The following ERICH1 variants were observed in gnomAD, a reference collection of about 807,000 sequenced individuals.
ERICH1 encodes the protein glutamate-rich protein 1.
ERICH1 carries 56 observed loss-of-function variants against 39.6 expected under a neutral mutation model. That is an observed-to-expected ratio of 1.41 (90% CI 1.14 to 1.77). The LOEUF is 1.77. Among genes scored for constraint, ERICH1 ranks in the 40% most tolerant of loss-of-function variants. The pLI, the probability that ERICH1 is intolerant of heterozygous loss-of-function variation, is 0.00. For synonymous variants in ERICH1, 313 were observed against 223.6 expected (o/e 1.40, Z -3.57); for missense variants, 826 against 575.4 (o/e 1.44, Z -4.45).
chr8:622,787 T>C (rs1318248818), intron 3 of ERICH1, among the ~76,000 whole-genome samples: 4 of 151,912 alleles, frequency 2.6e-5, no homozygotes, highest in Non-Finnish European at 5.9e-5. Flanking sequence ...ACCGTGTCTC[T>C]ATAAAAAAAT....
intron 2 of ERICH1, among the ~76,000 whole-genome samples, chr8:710,217 T>A (rs897960288): frequency 6.6e-6 from 1 of 152,182 alleles, no homozygotes. Context: ...GCGCCCACCA[T>A]GACAGCATCG....
chr8:716,017 C>T lies in ERICH1; in HGVS notation c.23-10G>A, dbSNP rs764030347. On this transcript the variant is annotated splice_polypyrimidine_tract_variant and intron_variant, in intron 1 of 5. Transcript: ENST00000262109. ...ACCTTCTCCACAAACACTGTACAGA[C>T]AACCGATTAAAAGAAAAGGAGGAAA... is the stretch of plus-strand genomic sequence containing the variant. 1.9e-6 allele frequency: 3 copies of T among 1,581,848 alleles called. No homozygotes were observed. Among genetic ancestry groups the T allele is most frequent in the South Asian group, 2.3e-5 (2 of 85,734 alleles).
In ERICH1 at chr8:679,761, CT is replaced by C. The variant is rs1258959890; in HGVS notation, c.305-5715del. Among the ~76,000 whole-genome samples the C allele has an allele frequency of 5.0e-4, 76 of 152,354 alleles. No individual in the cohort carries two copies. The South Asian group carries it at 0.011, about 22-fold the overall frequency. On this transcript the variant is annotated intron_variant, in intron 3 of 5. Coordinates refer to ENST00000262109, the MANE Select transcript of ERICH1 (RefSeq NM_207332.3). ...GGTCCTGTGACATCACTGTGGTCAC[CT>C]CCACACTGGGGCTCCAGGCAGGGCA...
chr8:729,703 A>G lies in ERICH1; in HGVS notation c.22+1437T>C, dbSNP rs145282226. Among the ~76,000 whole-genome samples, 46 of 152,340 alleles carry G rather than the reference A, an allele frequency of 3.0e-4. 1 individual carries two copies. In the East Asian group the frequency reaches 7.7e-3, roughly 26 times the overall value. On this transcript the variant is annotated intron_variant, in intron 1 of 5. Transcript: ENST00000262109. Reference sequence around the variant, plus strand: ...TTAAACAACGTAAATTTACTTGACCATTCTGTCACATATCCAATAGGAAAA... The same window carrying G: ...TTAAACAACGTAAATTTACTTGACCGTTCTGTCACATATCCAATAGGAAAA...
chr8:687,064 A>G (rs1406874960), intron 3 of ERICH1, among the ~76,000 whole-genome samples: 2 of 152,234 alleles, frequency 1.3e-5, no homozygotes, highest in African/African-American at 2.4e-5. Flanking sequence ...AAAACAGAGC[A>G]TGTACGGATG....
At position 715,962 on chromosome 8, in the gene ERICH1, C is replaced by G. The variant is rs756842380; in HGVS notation, c.68G>C (p.Ser23Thr). Residue 23 changes from serine (S) to threonine (T), a missense_variant, in exon 2 of 6, where the codon AGT becomes ACT. By Grantham distance (58) the Ser-to-Thr change is moderately conservative. Coordinates refer to ENST00000262109, the MANE Select transcript of ERICH1 (RefSeq NM_207332.3). Reference protein sequence around the residue: ...VLQRLFPPVPSGQGKREPQTL... With the variant: ...VLQRLFPPVPTGQGKREPQTL... ...CTGGGGTTCCCTCTTTCCTTGGCCA[C>G]TTGGAACAGGAGGAAAAAGTCTCTG... 4.3e-6 allele frequency: 7 copies of G among 1,613,868 alleles called. No homozygotes were observed. The South Asian group carries it at 7.7e-5, about 18-fold the overall frequency.
intron 2 of ERICH1, among the ~76,000 whole-genome samples, chr8:699,734 C>T (rs997951048): frequency 4.9e-5 from 7 of 142,896 alleles, no homozygotes; most frequent in African/African-American, 1.4e-4. Flanking sequence ...GACTCACAGG[C>T]GCACAGACAC....
intron 3 of ERICH1, among the ~76,000 whole-genome samples, chr8:655,175 C>T (rs141584407): frequency 6.6e-6 from 1 of 152,308 alleles, no homozygotes; most frequent in Non-Finnish European, 1.5e-5. Flanking sequence ...AGAGCAGCCG[C>T]GTTTGATTTT....
chr8:636,728 G>C (rs78330013), intron 3 of ERICH1, among the ~76,000 whole-genome samples: 2,958 of 152,370 alleles, frequency 0.019, 39 homozygotes, highest in Middle Eastern at 0.037. Context: ...GGGGAGGAAC[G>C]GTGCAGACCT....
intron 3 of ERICH1, chr8:616,489 C>T (rs1796905114): frequency 4.4e-6 from 2 of 455,638 alleles, no homozygotes; most frequent in Non-Finnish European, 8.8e-6. Flanking sequence ...ACAGGTACGG[C>T]CAGAGCACTG....
rs1357134674 is a variant in ERICH1 at position 629,817 on chromosome 8, CCA to C, written c.977-14535_977-14534del. Among the ~76,000 whole-genome samples the C allele has an allele frequency of 7.8e-5, 11 of 141,208 alleles. 1 individual carries two copies. The highest frequency in any genetic ancestry group is 2.6e-4 in the African/African-American group (9 of 34,154). 92.6% of individuals were successfully genotyped at this position (141,208 alleles called of 152,430 possible). A position where few individuals can be genotyped will look rare whatever the true frequency, so the allele number is the denominator to read the frequency against. ...CTGACTCACACCCTCCTGTGAGCAC[CCA>C]CACAGACAAAGCTGACACACACCCT... On this transcript the variant is annotated intron_variant, in intron 3 of 3. Transcript: ENST00000522706.
At chr8:728,442 C>T (rs1323618778) in intron 1 of ERICH1, among the ~76,000 whole-genome samples, 1 of 152,210 alleles carries the variant, frequency 6.6e-6, no homozygotes, top group Non-Finnish European at 1.5e-5. Context: ...TCACCCATCG[C>T]AGCAGGCCCC....
chr8:719,728 G>A (rs1045734109), intron 1 of ERICH1, among the ~76,000 whole-genome samples: 1 of 152,164 alleles, frequency 6.6e-6, no homozygotes, highest in African/African-American at 2.4e-5. Flanking sequence ...GTACTGAAGT[G>A]CCCACACTTG....
intron 2 of ERICH1, among the ~76,000 whole-genome samples, chr8:707,471 T>A (rs1463006948): frequency 1.3e-5 from 2 of 152,152 alleles, no homozygotes; most frequent in East Asian, 3.8e-4. Context: ...GCCTCCAAAG[T>A]GCTGGGACTA....
chr8:641,632 G>C (rs1237817594), intron 3 of ERICH1, among the ~76,000 whole-genome samples: 1 of 152,230 alleles, frequency 6.6e-6, no homozygotes, highest in Non-Finnish European at 1.5e-5. Flanking sequence ...GGAGGAGGTA[G>C]TGTGTCTGAG....
At chr8:628,364 T>C (rs1797721876) in intron 3 of ERICH1, among the ~76,000 whole-genome samples, 1 of 152,192 alleles carries the variant, frequency 6.6e-6, no homozygotes, top group Non-Finnish European at 1.5e-5. Context: ...TGAAGTTTGG[T>C]CATAACTTTT....
chr8:718,284 C>T (rs545615260), intron 1 of ERICH1, among the ~76,000 whole-genome samples: 4 of 152,064 alleles, frequency 2.6e-5, no homozygotes, highest in Non-Finnish European at 4.4e-5. Context: ...CGGATTGGAG[C>T]GCACTGAGTC....
At chr8:621,254 T>C (rs1310360766) in intron 3 of ERICH1, among the ~76,000 whole-genome samples, 2 of 152,156 alleles carry the variant, frequency 1.3e-5, no homozygotes, top group African/African-American at 4.8e-5. Flanking sequence ...CCAATATTTA[T>C]AGACTGCAGC....
chr8:662,893 C>G (rs1801643923), downstream of ERICH1, among the ~76,000 whole-genome samples: 1 of 152,078 alleles, frequency 6.6e-6, no homozygotes. Context: ...GCAGGGCGCC[C>G]TGCAGACAAC....
Sources: allele counts gnomAD v4.1 joint callset (sites outside exome capture counted in the v4.1 genomes callset), GRCh38; gene constraint gnomAD v4.1.1; transcripts MANE v1.5; gene names NCBI Gene and HGNC (gene_info 2026-07-23, HGNC 2026-07-21).